The following TG variants were observed in gnomAD, a reference collection of about 807,000 sequenced individuals.
The protein encoded by TG is thyroglobulin, also known as thyroid hormones.
TG carries 270 observed loss-of-function variants against 324.7 expected under a neutral mutation model. The observed-to-expected ratio is 0.83, with a 90% CI of 0.75 to 0.92. TG has a LOEUF of 0.92. TG is among the 40% of genes least tolerant of loss of function. The pLI is 0.00. For synonymous variants in TG, 1,401 were observed against 1,327.0 expected, an observed-to-expected ratio of 1.06 and a Z score of -1.21; for missense variants, 3,591 against 3,456.4, an observed-to-expected ratio of 1.04 and a Z score of -0.98.
chr8:132,956,640 G>A (rs1208782068), intron 27 of TG, among the ~76,000 whole-genome samples: 2 of 152,312 alleles, frequency 1.3e-5, no homozygotes, highest in African/African-American at 4.8e-5. Flanking sequence ...GGGCACTTTG[G>A]AGACAGATTA....
chr8:132,920,105 A>T (rs1312057327), intron 21 of TG, among the ~76,000 whole-genome samples: 3 of 152,208 alleles, frequency 2.0e-5, no homozygotes, highest in African/African-American at 7.2e-5. Flanking sequence ...TTCCACCTAT[A>T]GTCATTACTG....
chr8:133,029,743 T>A, intron 40 of TG, 78 bp from the exon 41 acceptor site: 2 of 1,579,230 alleles, frequency 1.3e-6, no homozygotes, highest in Middle Eastern at 3.7e-4. Context: ...CATATATGCC[T>A]GCCATAGACA....
chr8:132,941,243 G>T, intron 25 of TG, 108 bp from the exon 26 acceptor site: 2 of 1,331,282 alleles, frequency 1.5e-6, no homozygotes, highest in Non-Finnish European at 1.1e-6. Context: ...ACGCTGCCTG[G>T]AGCACTGTTG....
At chr8:132,955,135 G>A (rs1333826334) in intron 27 of TG, among the ~76,000 whole-genome samples, 2 of 152,094 alleles carry the variant, frequency 1.3e-5, no homozygotes, top group African/African-American at 4.8e-5. Flanking sequence ...AACACTGGAG[G>A]CCCAGGATTG....
intron 1 of TG, 96 bp downstream of exon 1, chr8:132,867,163 A>G (rs1839008797): frequency 2.4e-5 from 26 of 1,098,620 alleles, no homozygotes; most frequent in East Asian, 2.6e-5. Context: ...ATCTAATTTA[A>G]TCTTCACAAA....
chr8:133,067,347 G>A (rs934614238), intron 41 of TG, among the ~76,000 whole-genome samples: 3 of 152,120 alleles, frequency 2.0e-5, no homozygotes, highest in Admixed American at 6.5e-5. Flanking sequence ...GGAGGGCTGC[G>A]GCATACCAGG....
chr8:133,044,007 C>G (rs1838816961), intron 41 of TG, among the ~76,000 whole-genome samples: 1 of 152,154 alleles, frequency 6.6e-6, no homozygotes, highest in Non-Finnish European at 1.5e-5. Flanking sequence ...CCCCACTTTC[C>G]ATGAACTAAC....
chr8:132,881,922 G>T lies in TG; in HGVS notation c.698G>T (p.Gly233Val). The change falls in exon 6 of 48, where the codon GGG (glycine) becomes GTG (valine). Residue 233 changes from glycine to valine, a missense_variant. By Grantham distance (109) the Gly-to-Val change is moderately radical. Coordinates refer to ENST00000220616, the MANE Select transcript of TG (RefSeq NM_003235.5). ...SFQRRFPEVS[G>V]YCHCADSQGR... ...CAGAGGAGGTTCCCTGAGGTATCTG[G>T]GTATTGCCACTGTGCTGACAGCCAA... 6.2e-7 allele frequency: 1 copy of T among 1,614,182 alleles called. No homozygotes were observed. The highest frequency in any genetic ancestry group is 8.5e-7 in the Non-Finnish European group (1 of 1,180,018).
intron 11 of TG, among the ~76,000 whole-genome samples, chr8:132,896,300 G>A (rs146832850): frequency 6.6e-6 from 1 of 152,360 alleles, no homozygotes; most frequent in Admixed American, 6.5e-5. Flanking sequence ...ACTCCAGAAC[G>A]CTGTCCACTG....
intron 8 of TG, chr8:132,883,249 A>G (rs568263061): frequency 3.8e-6 from 2 of 522,422 alleles, no homozygotes; most frequent in Non-Finnish European, 6.8e-6. Context: ...GAAGAAAAAT[A>G]AAAGAGAATT....
chr8:133,089,290 T>C (rs981080019), intron 41 of TG, among the ~76,000 whole-genome samples: 1 of 152,176 alleles, frequency 6.6e-6, no homozygotes, highest in African/African-American at 2.4e-5. Context: ...GCTTTGGGGA[T>C]AGAGGAATAA....
rs1817288686 is a variant in TG, at chr8:132,897,529, CAAAT to C, written c.3002-109_3002-106del. ...TAATACTGTGGGTTGAAATGTTTGT[CAAAT>C]AAATAAATAAGAAGGCCTCCTTATG... On this transcript the variant is annotated intron_variant, in intron 11 of 47. Transcript: ENST00000220616. 8 of 1,392,660 alleles carry C rather than the reference CAAAT, an allele frequency of 5.7e-6. 1 individual carries two copies. The highest frequency in any genetic ancestry group is 5.1e-6 in the Non-Finnish European group (5 of 989,344). The allele number at this position is 1,392,660 out of a possible 1,614,324, so 86.3% of individuals were successfully genotyped here. A position where few individuals can be genotyped will look rare whatever the true frequency, so the allele number is the denominator to read the frequency against.
In TG at chr8:132,935,858, A is replaced by C. The variant is rs145809177; in HGVS notation, c.5035A>C (p.Lys1679Gln). 1.9e-6 allele frequency: 3 copies of C among 1,611,858 alleles called. No homozygotes were observed. The highest frequency in any genetic ancestry group is 2.2e-5 in the South Asian group (2 of 90,970). The change falls in exon 25 of 48, where the codon AAA (lysine) becomes CAA (glutamine). Residue 1679 changes from lysine (K) to glutamine (Q), a missense_variant. Coordinates refer to ENST00000220616, the MANE Select transcript of TG (RefSeq NM_003235.5). ...TCAAGATTCTCCAGCTGTGTATTTG[A>C]AAAAGGGTAGGTTGGTCAGGCTGGT... The part of the protein sequence containing the change: ...HGQDSPAVYL[K>Q]KGQGSTTTLQ...
chr8:132,959,848 G>T (rs77380579), intron 27 of TG, among the ~76,000 whole-genome samples: 7,451 of 152,186 alleles, frequency 0.049, 531 homozygotes, highest in African/African-American at 0.16. Context: ...TGTTGTTGTT[G>T]TTCTGTTTTG....
chr8:132,868,026 T>C, intron 1 of TG, 89 bp from the exon 2 acceptor site: 1 of 1,207,786 alleles, frequency 8.3e-7, no homozygotes, highest in South Asian at 1.2e-5. Context: ...ATGATGACCC[T>C]GGAAAAGCAT....
chr8:132,995,055 T>G (rs1445366514), intron 35 of TG: 1 of 957,872 alleles, frequency 1.0e-6, no homozygotes, highest in African/African-American at 2.0e-5. Context: ...TTGTGAGCGC[T>G]CACCCACAGG....
intron 32 of TG, among the ~76,000 whole-genome samples, chr8:132,971,183 G>A (rs979287218): frequency 3.9e-5 from 6 of 152,210 alleles, no homozygotes; most frequent in Admixed American, 6.5e-5. Flanking sequence ...CTGAGGGTGG[G>A]GCTTAGTTAT....
intron 28 of TG, among the ~76,000 whole-genome samples, chr8:132,962,523 C>T (rs974491351): frequency 3.3e-5 from 5 of 152,204 alleles, no homozygotes; most frequent in Non-Finnish European, 7.3e-5. Context: ...TGCCTGATAC[C>T]TGCACTGCCA....
chr8:132,879,132 G>A (rs1469258251), intron 5 of TG, among the ~76,000 whole-genome samples: 1 of 152,232 alleles, frequency 6.6e-6, no homozygotes, highest in African/African-American at 2.4e-5. Flanking sequence ...TGGAGAAGGA[G>A]TCCAAAATGC....
Sources: allele counts gnomAD v4.1 joint callset (sites outside exome capture counted in the v4.1 genomes callset), GRCh38; gene constraint gnomAD v4.1.1; transcripts MANE v1.5; gene names NCBI Gene and HGNC (gene_info 2026-07-23, HGNC 2026-07-21).